The following INPP4B variants were observed in gnomAD, a reference collection of about 807,000 sequenced individuals.
INPP4B encodes inositol polyphosphate 4-phosphatase type II.
Under a neutral mutation model 122.5 loss-of-function variants are expected in INPP4B, and 55 were observed. That is an observed-to-expected ratio of 0.45 (90% CI 0.36 to 0.56). The LOEUF is 0.56. Ranked by LOEUF, INPP4B falls within the 20% of genes least tolerant of loss-of-function variation. The pLI is 0.00. For missense variants in INPP4B, 1,000 were observed against 1,097.7 expected (o/e 0.91, Z 1.26); for synonymous variants, 403 against 388.7 (o/e 1.04, Z -0.43).
chr4:142,517,402 GC>G (rs777877962), intron 2 of INPP4B, among the ~76,000 whole-genome samples: 1 of 151,970 alleles, frequency 6.6e-6, no homozygotes, highest in African/African-American at 2.4e-5. Context: ...CAGACACTTA[GC>G]CTAATTAAAT....
chr4:142,493,713 G>A (rs1822168862), intron 2 of INPP4B, among the ~76,000 whole-genome samples: 1 of 152,124 alleles, frequency 6.6e-6, no homozygotes, highest in African/African-American at 2.4e-5. Context: ...GATTTTACAG[G>A]CTCAGGTGGA....
intron 23 of INPP4B, among the ~76,000 whole-genome samples, chr4:142,104,725 C>A (rs1438848676): frequency 6.6e-6 from 1 of 152,074 alleles, no homozygotes; most frequent in Non-Finnish European, 1.5e-5. Context: ...ATACCAAAAT[C>A]ACAGATGCTC....
intron 2 of INPP4B, among the ~76,000 whole-genome samples, chr4:142,536,202 T>G (rs980295991): frequency 6.6e-6 from 1 of 151,546 alleles, no homozygotes; most frequent in Non-Finnish European, 1.5e-5. Flanking sequence ...GTATAAGAAT[T>G]AAAATTAACA....
At chr4:142,842,779 C>T (rs1373090877) in intron 1 of INPP4B, among the ~76,000 whole-genome samples, 1 of 126,584 alleles carries the variant, frequency 7.9e-6, no homozygotes, top group Non-Finnish European at 1.6e-5. Flanking sequence ...ACATAATATA[C>T]TGATATATAA....
At chr4:142,297,799 C>G (rs181227431) in intron 9 of INPP4B, among the ~76,000 whole-genome samples, 139 of 152,260 alleles carry the variant, frequency 9.1e-4, no homozygotes, top group Non-Finnish European at 1.5e-3. Flanking sequence ...GGAATTTCAA[C>G]AAGTTAAGCA....
At chr4:142,040,266 T>C (rs539318346) in intron 25 of INPP4B, among the ~76,000 whole-genome samples, 3 of 152,304 alleles carry the variant, frequency 2.0e-5, no homozygotes, top group Admixed American at 2.0e-4. Flanking sequence ...CAGGGGATGC[T>C]GCAGGATGCA....
intron 14 of INPP4B, among the ~76,000 whole-genome samples, chr4:142,196,681 T>C (rs4501295): frequency 0.88 from 133,037 of 151,912 alleles, 59,051 homozygotes; most frequent in East Asian, 0.96. Context: ...TTCACTTTTA[T>C]ATGAGTGGCT....
chr4:142,246,034 G>A (rs577750872), intron 11 of INPP4B, among the ~76,000 whole-genome samples: 93 of 114,112 alleles, frequency 8.1e-4, no homozygotes, highest in Middle Eastern at 8.7e-3. Context: ...GTACACACAC[G>A]TGTGTGTATA....
At chr4:142,663,346 C>T (rs1007756952) in intron 2 of INPP4B, among the ~76,000 whole-genome samples, 1 of 151,986 alleles carries the variant, frequency 6.6e-6, no homozygotes, top group Non-Finnish European at 1.5e-5. Context: ...GAGAACAGGT[C>T]TGTATATTGA....
chr4:142,151,703 T>C (rs1367503274), intron 17 of INPP4B, among the ~76,000 whole-genome samples: 1 of 152,188 alleles, frequency 6.6e-6, no homozygotes, highest in African/African-American at 2.4e-5. Context: ...CAATATTACA[T>C]TCTTCTCTCA....
chr4:142,291,509 C>T (rs1000760492), intron 9 of INPP4B, among the ~76,000 whole-genome samples: 2 of 152,158 alleles, frequency 1.3e-5, no homozygotes, highest in Admixed American at 1.3e-4. Flanking sequence ...ACATGTTTGA[C>T]TCAAAATTAG....
At chr4:142,665,442 C>T (rs183906484) in intron 2 of INPP4B, among the ~76,000 whole-genome samples, 123 of 141,004 alleles carry the variant, frequency 8.7e-4, no homozygotes, top group African/African-American at 2.8e-3. Context: ...TGCAGTGAGC[C>T]GAGATCATGC....
At chr4:142,564,222 T>C (rs1731089123) in intron 2 of INPP4B, among the ~76,000 whole-genome samples, 1 of 152,022 alleles carries the variant, frequency 6.6e-6, no homozygotes, top group Admixed American at 6.5e-5. Context: ...GTGTGTAATG[T>C]GAGGCTTGCA....
Position 142,029,629 on chromosome 4 carries a change from C to A in INPP4B, c.2643-715G>T, listed in dbSNP as rs762609170. On this transcript the variant is annotated intron_variant, in intron 25 of 25. Transcript: ENST00000262992. ...AATAGCCATTCTCTCCATAAAGTTA[C>A]TTGACAGAAAAGAGTTAATTGCAGC... is the stretch of plus-strand genomic sequence containing the variant. 7.1e-6 allele frequency: 7 copies of A among 985,010 alleles called. No individual in the cohort carries two copies. The African/African-American group carries it at 1.0e-4, about 15-fold the overall frequency. The allele number at this position is 985,010 out of a possible 1,614,324, so 61.0% of individuals were successfully genotyped here. A position where few individuals can be genotyped will look rare whatever the true frequency, so the allele number is the denominator to read the frequency against.
intron 2 of INPP4B, among the ~76,000 whole-genome samples, chr4:142,483,783 T>C (rs939245620): frequency 2.0e-5 from 3 of 152,034 alleles, no homozygotes; most frequent in African/African-American, 7.2e-5. Context: ...GTACTGAAAG[T>C]TATTGTTACT....
intron 2 of INPP4B, among the ~76,000 whole-genome samples, chr4:142,589,470 C>A (rs4563566): frequency 0.014 from 2,144 of 152,062 alleles, 40 homozygotes; most frequent in African/African-American, 0.041. Context: ...GGCAAAAGAT[C>A]TGCACAGATA....
In INPP4B at chr4:142,025,480, T is replaced by C. The variant is rs1448260063; in HGVS notation, c.*3302A>G. On this transcript the variant is annotated 3_prime_UTR_variant, in exon 26 of 26. Transcript: ENST00000262992. ...CTAGCTTACAAAATTTCTGGTACTT[T>C]AATTATCAACTTTTATGCATCAGAA... 3 of 152,168 alleles carry C rather than the reference T, an allele frequency of 2.0e-5. No individual in the cohort carries two copies. The highest frequency in any genetic ancestry group is 3.9e-4 in the East Asian group (2 of 5,194). 9.4% of individuals were successfully genotyped at this position (152,168 alleles called of 1,614,324 possible).
At chr4:142,326,168 G>C (rs1051157288) in intron 7 of INPP4B, among the ~76,000 whole-genome samples, 5 of 152,184 alleles carry the variant, frequency 3.3e-5, no homozygotes, top group Non-Finnish European at 7.3e-5. Context: ...GCATTGTACA[G>C]ACCCCGTCGG....
At chr4:142,285,645 G>A (rs914265040) in intron 9 of INPP4B, among the ~76,000 whole-genome samples, 2 of 152,056 alleles carry the variant, frequency 1.3e-5, no homozygotes, top group African/African-American at 2.4e-5. Context: ...GGGAATGATT[G>A]AGGAGAGGTC....
Sources: allele counts gnomAD v4.1 joint callset (sites outside exome capture counted in the v4.1 genomes callset), GRCh38; gene constraint gnomAD v4.1.1; transcripts MANE v1.5; gene names NCBI Gene and HGNC (gene_info 2026-07-23, HGNC 2026-07-21).